The following HECTD2 variants were observed in gnomAD, a reference collection of about 807,000 sequenced individuals.
The protein encoded by HECTD2 is HECT domain E3 ubiquitin protein ligase 2.
A neutral mutation model predicts 103.2 loss-of-function variants in HECTD2; 35 were observed. That is an observed-to-expected ratio of 0.34 (90% CI 0.26 to 0.45). The LOEUF (loss-of-function observed/expected upper bound fraction) is 0.45, where lower values mean the gene tolerates loss of function less well. Among genes scored for constraint, HECTD2 ranks in the 20% least tolerant of loss-of-function variants. HECTD2 has a pLI of 1.00. For synonymous variants in HECTD2, 281 were observed against 329.9 expected (o/e 0.85, Z 1.61); for missense variants, 596 against 937.4 (o/e 0.64, Z 4.76).
intron 12 of HECTD2, among the ~76,000 whole-genome samples, chr10:91,491,715 AT>A (rs1214441400): frequency 6.6e-6 from 1 of 152,194 alleles, no homozygotes. Flanking sequence ...CCTACAGGGT[AT>A]ATTGGGTCTA....
rs1846148505 is a variant in HECTD2 at position 91,483,009 on chromosome 10, C to T, written c.754C>T (p.His252Tyr). The T allele has an allele frequency of 6.3e-7, 1 of 1,586,214 alleles. No individual in the cohort carries two copies. Among genetic ancestry groups the T allele is most frequent in the Non-Finnish European group, 8.6e-7 (1 of 1,157,766 alleles). ...CACATCTACGTATGTCATCTATGCTCACTTGCTACGACAGATAGCTACCTT... is the reference window on the plus strand; with the variant it reads ...CACATCTACGTATGTCATCTATGCTTACTTGCTACGACAGATAGCTACCTT... Reference protein sequence around the residue: ...NNTSTYVIYAHLLRQIATLVE... With the variant: ...NNTSTYVIYAYLLRQIATLVE... The change falls in exon 8 of 21, where the codon CAC (histidine) becomes TAC (tyrosine). Residue 252 changes from histidine (H) to tyrosine (Y), a missense_variant. Physicochemically the swap from His to Tyr is moderately conservative, Grantham distance 83. This residue lies in a region of HECTD2 where 303 missense variants were observed against 522.5 expected (regional missense o/e 0.58). Coordinates refer to ENST00000298068, the MANE Select transcript of HECTD2 (RefSeq NM_182765.6).
intron 2 of HECTD2, among the ~76,000 whole-genome samples, chr10:91,456,498 G>A (rs957683258): frequency 1.3e-5 from 2 of 152,090 alleles, no homozygotes; most frequent in Admixed American, 6.6e-5. Flanking sequence ...GGTTTTTCTA[G>A]ATATACAATC....
intron 2 of HECTD2, among the ~76,000 whole-genome samples, chr10:91,440,400 A>G (rs991142479): frequency 9.2e-5 from 14 of 152,140 alleles, no homozygotes; most frequent in African/African-American, 3.4e-4. Context: ...TGTATGTTCA[A>G]CTAGCCCTGC....
At chr10:91,470,543 C>T (rs954843966) in intron 5 of HECTD2, among the ~76,000 whole-genome samples, 37 of 152,100 alleles carry the variant, frequency 2.4e-4, no homozygotes, top group African/African-American at 8.9e-4. Flanking sequence ...CTCTGGGACC[C>T]AGCACTGTGA....
chr10:91,467,510 A>C (rs563147292), intron 5 of HECTD2, among the ~76,000 whole-genome samples: 1 of 151,902 alleles, frequency 6.6e-6, no homozygotes, highest in Admixed American at 6.5e-5. Context: ...GCCTCGCCAC[A>C]CTCACTTGCA....
At chr10:91,484,373 T>A in intron 8 of HECTD2, 134 bp from the exon 9 acceptor site, 2 of 1,441,426 alleles carry the variant, frequency 1.4e-6, no homozygotes, top group East Asian at 4.9e-5. Context: ...TTCAAATGTT[T>A]GGCAATTTAA....
chr10:91,493,054 T>A (rs1006832258), intron 13 of HECTD2, among the ~76,000 whole-genome samples: 1 of 151,878 alleles, frequency 6.6e-6, no homozygotes, highest in East Asian at 1.9e-4. Flanking sequence ...GGGATGACAG[T>A]GATAAATTGA....
In HECTD2 at chr10:91,485,323, T is replaced by G; in HGVS notation, c.1094+20T>G. The G allele has an allele frequency of 6.4e-7, 1 of 1,566,796 alleles. No individual in the cohort carries two copies. The highest frequency in any genetic ancestry group is 1.2e-5 in the South Asian group (1 of 83,398). On this transcript the variant is annotated intron_variant, in intron 10 of 20. Transcript: ENST00000298068. ...TCACAGGTATGAACAAAAGTTCCTT[T>G]GATTATCCACCTAAATGAAATACTA... is the stretch of plus-strand genomic sequence containing the variant.
At chr10:91,427,303 G>A (rs1441218700) in intron 2 of HECTD2, among the ~76,000 whole-genome samples, 3 of 151,862 alleles carry the variant, frequency 2.0e-5, no homozygotes, top group South Asian at 2.1e-4. Flanking sequence ...TAGTGCCGCA[G>A]TAAACATACG....
intron 14 of HECTD2, among the ~76,000 whole-genome samples, chr10:91,494,577 G>A (rs1431179466): frequency 6.6e-6 from 1 of 151,986 alleles, no homozygotes; most frequent in African/African-American, 2.4e-5. Context: ...ATTAATAAAA[G>A]AAAGTGTAGT....
intron 2 of HECTD2, among the ~76,000 whole-genome samples, chr10:91,444,071 TTATTAC>T (rs916604716): frequency 6.6e-6 from 1 of 152,120 alleles, no homozygotes; most frequent in African/African-American, 2.4e-5. Context: ...AACACCAGTC[TTATTAC>T]TATTATTTTT....
At chr10:91,455,389 C>T (rs1421116230) in intron 2 of HECTD2, among the ~76,000 whole-genome samples, 1 of 152,146 alleles carries the variant, frequency 6.6e-6, no homozygotes, top group African/African-American at 2.4e-5. Flanking sequence ...AGTGTCTGTT[C>T]ATATCCTTCA....
chr10:91,499,225 A>G (rs1460042563), intron 18 of HECTD2, 75 bp downstream of exon 18: 4 of 758,074 alleles, frequency 5.3e-6, no homozygotes, highest in Non-Finnish European at 8.6e-6. Context: ...ATTAATAAAT[A>G]TTTTAGTAGA....
Position 91,481,095 on chromosome 10 carries a change from C to T in HECTD2, c.667C>T (p.Pro223Ser). The change falls in exon 7 of 21, where the codon CCA (proline) becomes TCA (serine). Residue 223 changes from proline (P) to serine (S), a missense_variant and splice_region_variant. Physicochemically the swap from Pro to Ser is moderately conservative, Grantham distance 74. Around this residue, in one of 4 missense-constraint regions of HECTD2, gnomAD observed 303 missense variants for 522.5 expected, o/e 0.58. Transcript: ENST00000298068. ...INSLLREWKG[P>S]RTKDDLRAYF... ...AAATTATTCTTGTTTCTTTTTCAGT[C>T]CACGAACAAAAGATGATCTTAGAGC... is the stretch of plus-strand genomic sequence containing the variant. The T allele has an allele frequency of 6.7e-7, 1 of 1,487,460 alleles. No individual in the cohort carries two copies. Among genetic ancestry groups the T allele is most frequent in the Non-Finnish European group, 9.2e-7 (1 of 1,083,440 alleles). 92.1% of individuals were successfully genotyped at this position (1,487,460 alleles called of 1,614,324 possible).
At chr10:91,450,625 A>G (rs534942748) in intron 2 of HECTD2, among the ~76,000 whole-genome samples, 9 of 152,244 alleles carry the variant, frequency 5.9e-5, no homozygotes, top group African/African-American at 2.2e-4. Context: ...CAATCTATCC[A>G]TCTGACAAAG....
chr10:91,490,142 AT>A (rs1173738424), intron 11 of HECTD2, among the ~76,000 whole-genome samples: 1 of 152,092 alleles, frequency 6.6e-6, no homozygotes, highest in Non-Finnish European at 1.5e-5. Context: ...ATTTTAGTAA[AT>A]TTTCTTTTGA....
chr10:91,456,506 A>G (rs1286337567), intron 2 of HECTD2, among the ~76,000 whole-genome samples: 1 of 152,202 alleles, frequency 6.6e-6, no homozygotes, highest in Non-Finnish European at 1.5e-5. Context: ...TAGATATACA[A>G]TCATGTCATC....
Position 91,410,469 on chromosome 10 carries a change from G to T in HECTD2, c.31G>T (p.Ala11Ser), listed in dbSNP as rs1374219903. The change falls in exon 1 of 21, where the codon GCC (alanine) becomes TCC (serine). Residue 11 changes from alanine to serine, a missense_variant. Transcript: ENST00000298068. MSEAVRVPSP[A>S]TPLVVAAPAP... ...TGAGGCGGTTCGGGTACCCTCGCCC[G>T]CCACTCCGCTGGTGGTGGCGGCGCC... 4.0e-5 allele frequency: 58 copies of T among 1,461,090 alleles called. No homozygotes were observed. The highest frequency in any genetic ancestry group is 4.1e-5 in the Non-Finnish European group (46 of 1,110,628). The allele number at this position is 1,461,090 out of a possible 1,614,324, so 90.5% of individuals were successfully genotyped here. A position where few individuals can be genotyped will look rare whatever the true frequency, so the allele number is the denominator to read the frequency against.
At chr10:91,505,777 T>A (rs561572462) in intron 20 of HECTD2, among the ~76,000 whole-genome samples, 40 of 152,278 alleles carry the variant, frequency 2.6e-4, no homozygotes, top group African/African-American at 9.4e-4. Context: ...GCAGACCTAA[T>A]AGACATCTAC....
Sources: gnomAD v4.1 joint callset for allele counts (sites outside exome capture counted in the v4.1 genomes callset) on GRCh38, gnomAD v4.1.1 for gene constraint, gnomAD v4.1.1 regional missense constraint, MANE v1.5 for transcripts, NCBI Gene and HGNC (gene_info 2026-07-23, HGNC 2026-07-21) for gene names.